The following AGMO variants were observed in gnomAD, a reference collection of about 807,000 sequenced individuals.
AGMO encodes the protein glyceryl-ether monooxygenase.
A neutral mutation model predicts 60.2 loss-of-function variants in AGMO; 75 were observed. The ratio of observed to expected loss-of-function variants is 1.25; its 90% CI spans 1.03 to 1.51. AGMO has a LOEUF of 1.51. Among genes scored for constraint, AGMO ranks in the 40% most tolerant of loss-of-function variants. AGMO has a pLI of 0.00. For synonymous variants in AGMO, 261 were observed against 177.1 expected (o/e 1.47, Z -3.76); for missense variants, 763 against 525.5 (o/e 1.45, Z -4.42).
At chr7:15,184,616 AGG>A in the AGMO span, among the ~76,000 whole-genome samples, 1 of 60,222 alleles carries the variant, frequency 1.7e-5, no homozygotes, top group Admixed American at 2.0e-4. Context: ...GAAGGAAGAG[AGG>A]GAGGGAGGGA....
intron 2 of AGMO, among the ~76,000 whole-genome samples, chr7:15,545,392 G>C (rs944717542): frequency 3.6e-4 from 54 of 152,050 alleles, no homozygotes; most frequent in Middle Eastern, 3.4e-3. Context: ...CAAATATTTT[G>C]ATCCCATAAA....
At chr7:15,476,684 A>G (rs528627142) in intron 3 of AGMO, among the ~76,000 whole-genome samples, 1 of 152,064 alleles carries the variant, frequency 6.6e-6, no homozygotes, top group African/African-American at 2.4e-5. Flanking sequence ...TCCTTCTATC[A>G]GCTTTGAAAG....
intron 12 of AGMO, among the ~76,000 whole-genome samples, chr7:15,258,149 G>C (rs1434131415): frequency 6.6e-6 from 1 of 152,074 alleles, no homozygotes; most frequent in Non-Finnish European, 1.5e-5. Context: ...TTTCATAACA[G>C]CTAAGCTATC....
chr7:15,232,801 G>GCGCACACA lies in AGMO; in HGVS notation c.1264-31443_1264-31442insTGTGTGCG, dbSNP rs1554398737. Among the ~76,000 whole-genome samples, 8 of 147,024 alleles carry GCGCACACA rather than the reference G, an allele frequency of 5.4e-5. No individual in the cohort carries two copies. The South Asian group carries it at 6.5e-4, about 12-fold the overall frequency. On this transcript the variant is annotated intron_variant, in intron 12 of 12. Coordinates refer to ENST00000342526, the MANE Select transcript of AGMO (RefSeq NM_001004320.2). ...TTAAACATGGAAACCACACACACAC[G>GCGCACACA]CACACACACACACACACACACACAC...
intron 12 of AGMO, among the ~76,000 whole-genome samples, chr7:15,343,206 A>G (rs977750812): frequency 6.6e-6 from 1 of 152,126 alleles, no homozygotes; most frequent in Admixed American, 6.6e-5. Context: ...AAAATGATCA[A>G]TTCTTTTTAT....
chr7:15,529,620 AATATATATATAGAAT>A (rs1562554833), intron 3 of AGMO, among the ~76,000 whole-genome samples: 3 of 27,348 alleles, frequency 1.1e-4, no homozygotes, highest in African/African-American at 7.0e-4. Flanking sequence ...ATATATATAG[AATATATATATAGAAT>A]ATATATATAT....
rs1373880095 is a variant in AGMO at position 15,471,444 on chromosome 7, C to G, written c.410-40336G>C. Among the ~76,000 whole-genome samples the G allele has an allele frequency of 1.3e-5, 2 of 151,768 alleles. 1 individual carries two copies. Among genetic ancestry groups the G allele is most frequent in the Admixed American group, 1.3e-4 (2 of 15,184 alleles). Reference sequence around the variant, plus strand: ...ATAACTATAAAAATGAGATCATTACCCAGGATCTTTCTTTCTACTTTAATT... The same window carrying G: ...ATAACTATAAAAATGAGATCATTACGCAGGATCTTTCTTTCTACTTTAATT... On this transcript the variant is annotated intron_variant, in intron 3 of 12. Transcript: ENST00000342526.
At chr7:15,355,272 A>C (rs1016751373) in intron 12 of AGMO, among the ~76,000 whole-genome samples, 2 of 151,966 alleles carry the variant, frequency 1.3e-5, no homozygotes, top group Non-Finnish European at 2.9e-5. Flanking sequence ...GGAGGCCGAG[A>C]CGGGCGGATC....
intron 3 of AGMO, among the ~76,000 whole-genome samples, chr7:15,460,057 G>A (rs1169224955): frequency 6.6e-6 from 1 of 151,036 alleles, no homozygotes; most frequent in East Asian, 1.9e-4. Context: ...TATCCCTGGG[G>A]ACACAAAAGA....
intron 3 of AGMO, among the ~76,000 whole-genome samples, chr7:15,450,328 G>A (rs957969642): frequency 2.5e-4 from 38 of 151,318 alleles, no homozygotes; most frequent in African/African-American, 8.7e-4. Context: ...GCTGAGGCAG[G>A]AGAATGGCAT....
intron 12 of AGMO, among the ~76,000 whole-genome samples, chr7:15,318,007 T>C (rs949074826): frequency 7.9e-6 from 1 of 127,018 alleles, no homozygotes; most frequent in African/African-American, 2.6e-5. Context: ...TATATATACA[T>C]ATATTTTTTT....
At chr7:15,382,235 T>G (rs908514470) in intron 10 of AGMO, among the ~76,000 whole-genome samples, 1 of 152,206 alleles carries the variant, frequency 6.6e-6, no homozygotes, top group African/African-American at 2.4e-5. Context: ...AACAACTTTC[T>G]GAAAATCTAT....
rs34074240 is a variant in AGMO, at chr7:15,455,081, TCACACACACACACA to T, written c.410-23987_410-23974del. 1.2e-4 allele frequency among the ~76,000 whole-genome samples: 17 copies of T among 146,112 alleles called. No homozygotes were observed. In the South Asian group the frequency reaches 1.5e-3, roughly 13 times the overall value. On this transcript the variant is annotated intron_variant, in intron 3 of 12. Coordinates refer to ENST00000342526, the MANE Select transcript of AGMO (RefSeq NM_001004320.2). Reference sequence around the variant, plus strand: ...TGCATTTTCTTTCTCTCTCTCTTTCTCACACACACACACACACACACACACACACACACACACTT... The same window carrying T: ...TGCATTTTCTTTCTCTCTCTCTTTCTCACACACACACACACACACACACTT...
intron 12 of AGMO, among the ~76,000 whole-genome samples, chr7:15,247,222 T>C (rs1563053146): frequency 6.6e-6 from 1 of 152,096 alleles, no homozygotes; most frequent in Non-Finnish European, 1.5e-5. Context: ...TACTAATAAA[T>C]GCTAAACAGC....
At chr7:15,349,391 ATTT>A (rs1782150719) in intron 12 of AGMO, among the ~76,000 whole-genome samples, 1 of 152,044 alleles carries the variant, frequency 6.6e-6, no homozygotes. Context: ...TTGATTATTC[ATTT>A]TTTTAGATTG....
intron 12 of AGMO, among the ~76,000 whole-genome samples, chr7:15,269,618 A>T (rs1047673010): frequency 6.6e-6 from 1 of 151,994 alleles, no homozygotes; most frequent in Non-Finnish European, 1.5e-5. Flanking sequence ...TTTTAATTTA[A>T]TTTTATTTTA....
chr7:15,395,082 G>A (rs1488290889), intron 5 of AGMO, among the ~76,000 whole-genome samples: 1 of 152,090 alleles, frequency 6.6e-6, no homozygotes, highest in Non-Finnish European at 1.5e-5. Context: ...CACCAACCAT[G>A]GCAGATACCA....
intron 9 of AGMO, among the ~76,000 whole-genome samples, chr7:15,386,839 G>T (rs1446529254): frequency 2.0e-5 from 3 of 152,124 alleles, no homozygotes; most frequent in Non-Finnish European, 4.4e-5. Context: ...GGTTAAAACT[G>T]AATTTTTCAT....
At chr7:15,368,832 A>T (rs960587424) in intron 10 of AGMO, among the ~76,000 whole-genome samples, 3 of 152,052 alleles carry the variant, frequency 2.0e-5, no homozygotes, top group Non-Finnish European at 2.9e-5. Flanking sequence ...GGACAATACA[A>T]ATAACTCTTT....
Sources: allele counts gnomAD v4.1 joint callset (sites outside exome capture counted in the v4.1 genomes callset), GRCh38; gene constraint gnomAD v4.1.1; transcripts MANE v1.5; gene names NCBI Gene and HGNC (gene_info 2026-07-23, HGNC 2026-07-21).